Variants in BFSP2 observed in about 807,000 individuals in gnomAD.
The protein encoded by BFSP2 is phakinin.
BFSP2 carries 38 observed loss-of-function variants against 44.9 expected under a neutral mutation model. That is an observed-to-expected ratio of 0.85 (90% CI 0.65 to 1.11). BFSP2 has a LOEUF of 1.11. Among genes scored for constraint, BFSP2 ranks in the 50% least tolerant of loss-of-function variants. The pLI is 0.00. For synonymous variants in BFSP2, 197 were observed against 209.9 expected (o/e 0.94, Z 0.53); for missense variants, 525 against 533.0 (o/e 0.99, Z 0.15).
chr3:133,439,445 G>T (rs2073823172), intron 1 of BFSP2, among the ~76,000 whole-genome samples: 1 of 152,224 alleles, frequency 6.6e-6, no homozygotes, highest in African/African-American at 2.4e-5. Context: ...CTGATCCAAG[G>T]TCACACAAAT....
intron 1 of BFSP2, among the ~76,000 whole-genome samples, chr3:133,422,852 A>G (rs375013064): frequency 1.6e-4 from 24 of 151,898 alleles, no homozygotes; most frequent in African/African-American, 5.3e-4. Flanking sequence ...AGCAAAGCCA[A>G]CGCCTCACCC....
At chr3:133,468,009 T>C (rs1359236199) in intron 5 of BFSP2, among the ~76,000 whole-genome samples, 3 of 152,156 alleles carry the variant, frequency 2.0e-5, no homozygotes, top group African/African-American at 7.2e-5. Flanking sequence ...AAAATGGGTA[T>C]GATAGTCACA....
At chr3:133,410,213 G>A (rs980284646) in intron 1 of BFSP2, 1 of 266,150 alleles carries the variant, frequency 3.8e-6, no homozygotes, top group Non-Finnish European at 7.2e-6. Context: ...ACCTATAACA[G>A]ATGAAAATGG....
At chr3:133,456,213 C>T (rs1400983687) in intron 4 of BFSP2, among the ~76,000 whole-genome samples, 18 of 152,190 alleles carry the variant, frequency 1.2e-4, no homozygotes, top group Admixed American at 1.2e-3. Context: ...CGGTCAGGAA[C>T]TTTATCTGAG....
chr3:133,409,875 G>A (rs1286400082), intron 1 of BFSP2: 3 of 153,794 alleles, frequency 2.0e-5, no homozygotes, highest in Non-Finnish European at 4.3e-5. Context: ...TAAAGCAACA[G>A]CAAAGCTGAG....
In BFSP2 at chr3:133,400,588, G is replaced by A; in HGVS notation, c.489+16G>A. The A allele has an allele frequency of 6.3e-7, 1 of 1,582,176 alleles. No individual in the cohort carries two copies. The highest frequency in any genetic ancestry group is 1.8e-5 in the Admixed American group (1 of 54,378). On this transcript the variant is annotated intron_variant, in intron 1 of 6. Coordinates refer to ENST00000302334, the MANE Select transcript of BFSP2 (RefSeq NM_003571.4). This position sits in a 1 kb window ranked among gnomAD's most constrained non-coding sequence, Gnocchi z 4.0. ...CTGCCAGCAGGTAAGTGTCCAGGCT[G>A]TGCCAAGGGCTTTGCAGAGGGCTGG...
At chr3:133,454,161 A>G (rs1199126042) in intron 4 of BFSP2, among the ~76,000 whole-genome samples, 2 of 152,144 alleles carry the variant, frequency 1.3e-5, no homozygotes, top group Admixed American at 6.5e-5. Context: ...AAACAAAACA[A>G]CTTTTTTTTT....
chr3:133,404,892 G>A (rs1153876), intron 1 of BFSP2: 77,937 of 152,022 alleles, frequency 0.51, 20,074 homozygotes, highest in East Asian at 0.55. Context: ...TGGTGAAAAC[G>A]GACAGAAAAA....
intron 4 of BFSP2, among the ~76,000 whole-genome samples, chr3:133,463,425 G>A (rs559720153): frequency 6.6e-6 from 1 of 152,354 alleles, no homozygotes; most frequent in South Asian, 2.1e-4. Flanking sequence ...TTGACTTGGG[G>A]ATTTATACGT....
At chr3:133,436,690 TGG>T (rs1057254286) in intron 1 of BFSP2, among the ~76,000 whole-genome samples, 1 of 152,198 alleles carries the variant, frequency 6.6e-6, no homozygotes, top group Non-Finnish European at 1.5e-5. Context: ...TGTGCCATGT[TGG>T]TGTGCTGCAC....
At chr3:133,449,886 C>CA (rs1387470511) in intron 3 of BFSP2, among the ~76,000 whole-genome samples, 1 of 142,084 alleles carries the variant, frequency 7.0e-6, no homozygotes, top group Non-Finnish European at 1.5e-5. Context: ...GAGACCCTGT[C>CA]AAAAAAAAGA....
In BFSP2 at chr3:133,472,465, G is replaced by A; in HGVS notation, c.1144G>A (p.Glu382Lys). The change falls in exon 6 of 7, where the codon GAG becomes AAG. Residue 382 changes from glutamate to lysine, a missense_variant. Glu to Lys is a moderately conservative substitution (Grantham distance 56, BLOSUM62 1). Transcript: ENST00000302334. ...GCTCAGGGAAATCCGAGCGGAGGCG[G>A]AGCAGCAGCAACAGGAGCGCGCGCA... ...AELREIRAEAEQQQQERAHLL... is the reference protein window; with the variant it reads ...AELREIRAEAKQQQQERAHLL... 6.2e-7 allele frequency: 1 copy of A among 1,614,002 alleles called. No individual in the cohort carries two copies. Among genetic ancestry groups the A allele is most frequent in the South Asian group, 1.1e-5 (1 of 91,074 alleles).
intron 1 of BFSP2, among the ~76,000 whole-genome samples, chr3:133,435,062 C>T (rs1286811206): frequency 1.3e-5 from 2 of 151,948 alleles, no homozygotes; most frequent in Non-Finnish European, 2.9e-5. Flanking sequence ...AAATGAGTGC[C>T]CTTTAAAGAT....
chr3:133,468,407 C>T (rs543363356), intron 5 of BFSP2, among the ~76,000 whole-genome samples: 2 of 152,286 alleles, frequency 1.3e-5, no homozygotes, highest in African/African-American at 4.8e-5. Flanking sequence ...AACAGTGAAT[C>T]ACTTGTTCTC....
In BFSP2 at chr3:133,464,321, T is replaced by A. The variant is rs2074089995; in HGVS notation, c.892-2507T>A. Among the ~76,000 whole-genome samples, 3 of 152,230 alleles carry A rather than the reference T, an allele frequency of 2.0e-5. No individual in the cohort carries two copies. In the South Asian group the frequency reaches 6.2e-4, roughly 32 times the overall value. On this transcript the variant is annotated intron_variant, in intron 4 of 6. Coordinates refer to ENST00000302334, the MANE Select transcript of BFSP2 (RefSeq NM_003571.4). ...CACATCTCTGGGTCTGCTGCTGGGC[T>A]GGAATCCTCTTTCTGTCTCTCACTG...
intron 1 of BFSP2, among the ~76,000 whole-genome samples, chr3:133,416,786 CTCACCCCTGCCCTCTCCCTTCTAT>C (rs2073536495): frequency 1.5e-5 from 2 of 131,604 alleles, no homozygotes; most frequent in African/African-American, 6.2e-5. Flanking sequence ...CTCCCTTCTA[CTCACCCCTGCCCTCTCCCTTCTAT>C]TCACCCCTGT....
intron 4 of BFSP2, among the ~76,000 whole-genome samples, chr3:133,465,394 A>G (rs1040228640): frequency 1.3e-5 from 2 of 152,208 alleles, no homozygotes; most frequent in Non-Finnish European, 2.9e-5. Flanking sequence ...AAAAATGGTA[A>G]TTCCAGAAAA....
chr3:133,403,586 G>A (rs1465442690), intron 1 of BFSP2, among the ~76,000 whole-genome samples: 1 of 152,210 alleles, frequency 6.6e-6, no homozygotes, highest in Non-Finnish European at 1.5e-5. Context: ...GTCCATTTTG[G>A]TGGCACTTTC....
intron 4 of BFSP2, among the ~76,000 whole-genome samples, chr3:133,458,106 G>A (rs1364666362): frequency 6.6e-6 from 1 of 152,142 alleles, no homozygotes; most frequent in African/African-American, 2.4e-5. Context: ...ATTTCTATCA[G>A]AAATATTTGA....
Sources: allele counts gnomAD v4.1 joint callset (sites outside exome capture counted in the v4.1 genomes callset), GRCh38; gene constraint gnomAD v4.1.1; non-coding constraint Gnocchi (gnomAD v3.1); transcripts MANE v1.5; gene names NCBI Gene and HGNC (gene_info 2026-07-23, HGNC 2026-07-21).